The following CUX2 variants were observed in gnomAD, a reference collection of about 807,000 sequenced individuals.
CUX2 encodes the protein cut like homeobox 2.
A neutral mutation model predicts 144.8 loss-of-function variants in CUX2; 40 were observed. The ratio of observed to expected loss-of-function variants is 0.28; its 90% CI spans 0.21 to 0.36. CUX2 has a LOEUF of 0.36. Ranked by LOEUF, CUX2 falls within the 10% of genes least tolerant of loss-of-function variation. CUX2 has a pLI of 1.00. For missense variants in CUX2, 1,615 were observed against 1,994.0 expected, an observed-to-expected ratio of 0.81 and a Z score of 3.62; for synonymous variants, 827 against 875.6, an observed-to-expected ratio of 0.94 and a Z score of 0.98.
intron 4 of CUX2, among the ~76,000 whole-genome samples, chr12:111,267,709 T>TCCTGG (rs1216624682): frequency 6.6e-6 from 1 of 152,192 alleles, no homozygotes; most frequent in Non-Finnish European, 1.5e-5. Context: ...GGAGGATCCT[T>TCCTGG]CCTGGCTTCT....
chr12:111,283,617 C>A (rs1048016478), intron 4 of CUX2, among the ~76,000 whole-genome samples: 3 of 152,140 alleles, frequency 2.0e-5, no homozygotes, highest in African/African-American at 7.2e-5. Flanking sequence ...GGCTTGGGGA[C>A]GCTAAGTGAC....
chr12:111,113,865 TTA>T (rs1192120363), intron 1 of CUX2, among the ~76,000 whole-genome samples: 4 of 152,216 alleles, frequency 2.6e-5, no homozygotes, highest in African/African-American at 9.7e-5. Flanking sequence ...CCTCACTTCT[TTA>T]ATTTAGCATA....
At position 111,035,724 on chromosome 12, in the gene CUX2, C is replaced by G. The variant is rs1005470683; in HGVS notation, c.63+1484C>G. Among the ~76,000 whole-genome samples, 4 of 151,756 alleles carry G rather than the reference C, an allele frequency of 2.6e-5. No individual in the cohort carries two copies. Among genetic ancestry groups the G allele is most frequent in the Non-Finnish European group, 5.9e-5 (4 of 68,004 alleles). ...TGGCCGCTTCCCAGTCCCCGTCCTTCCGAACGCCCCACTCCTCGCTCTCCC... is the reference window on the plus strand; with the variant it reads ...TGGCCGCTTCCCAGTCCCCGTCCTTGCGAACGCCCCACTCCTCGCTCTCCC... On this transcript the variant is annotated intron_variant, in intron 1 of 21. Coordinates refer to ENST00000261726, the MANE Select transcript of CUX2 (RefSeq NM_015267.4). This position sits in a 1 kb window ranked among gnomAD's most constrained non-coding sequence, Gnocchi z 6.0.
intron 3 of CUX2, among the ~76,000 whole-genome samples, chr12:111,232,311 G>A (rs1302167843): frequency 6.6e-6 from 1 of 151,768 alleles, no homozygotes; most frequent in Admixed American, 6.6e-5. Flanking sequence ...AGACCAGCAT[G>A]GGCAACATAG....
At chr12:111,247,905 G>T (rs1883355099) in intron 3 of CUX2, among the ~76,000 whole-genome samples, 1 of 152,154 alleles carries the variant, frequency 6.6e-6, no homozygotes, top group Non-Finnish European at 1.5e-5. Context: ...TCTTTTGTTT[G>T]TTTGTTTCTT....
chr12:111,089,316 C>G (rs1273737144), intron 1 of CUX2, among the ~76,000 whole-genome samples: 1 of 152,202 alleles, frequency 6.6e-6, no homozygotes, highest in Admixed American at 6.5e-5. Flanking sequence ...TCTCTTCAAG[C>G]CTCAGTTTCC....
At chr12:111,041,022 A>C (rs544637397) in intron 1 of CUX2, among the ~76,000 whole-genome samples, 1 of 152,278 alleles carries the variant, frequency 6.6e-6, no homozygotes. Flanking sequence ...CTCAGTTCCC[A>C]AAACTTGTTC....
rs767405823 is a variant in CUX2, at chr12:111,295,232, G to A, written c.561-101G>A. The A allele has an allele frequency of 8.7e-5, 82 of 939,362 alleles. No homozygotes were observed. Among genetic ancestry groups the A allele is most frequent in the Middle Eastern group, 7.3e-4 (3 of 4,086 alleles). The allele number at this position is 939,362 out of a possible 1,614,324, so 58.2% of individuals were successfully genotyped here. ...CAGAAAGACAGAGGTGCAGGTTACA[G>A]GGAGTGGGCAAGGGGTAGGAAGCAA... On this transcript the variant is annotated intron_variant, in intron 6 of 21. Coordinates refer to ENST00000261726, the MANE Select transcript of CUX2 (RefSeq NM_015267.4). The surrounding 1 kb of genome is among the most constrained non-coding windows in gnomAD (Gnocchi z 5.0).
In CUX2 at chr12:111,035,310, G is replaced by A. The variant is rs1207475370; in HGVS notation, c.63+1070G>A. Among the ~76,000 whole-genome samples the A allele has an allele frequency of 6.6e-6, 1 of 152,192 alleles. No homozygotes were observed. The highest frequency in any genetic ancestry group is 1.5e-5 in the Non-Finnish European group (1 of 68,040). On this transcript the variant is annotated intron_variant, in intron 1 of 21. Coordinates refer to ENST00000261726, the MANE Select transcript of CUX2 (RefSeq NM_015267.4). The surrounding 1 kb of genome is among the most constrained non-coding windows in gnomAD (Gnocchi z 6.0). The stretch of plus-strand genomic sequence containing the variant: ...TTCTCCCCATCCTCCCTTTGTGGGA[G>A]TCTGTGTGCCTCCCCTAGATTTGGA...
chr12:111,298,811 G>A (rs867062159), intron 9 of CUX2, among the ~76,000 whole-genome samples: 34 of 152,192 alleles, frequency 2.2e-4, no homozygotes, highest in Admixed American at 1.7e-3. Context: ...GGTAGGGAAT[G>A]CAGACAGACA....
At chr12:111,261,553 A>G (rs954554516) in intron 3 of CUX2, among the ~76,000 whole-genome samples, 1 of 151,956 alleles carries the variant, frequency 6.6e-6, no homozygotes, top group African/African-American at 2.4e-5. Context: ...TGTGTCTCCC[A>G]CTCAATTGCA....
intron 1 of CUX2, among the ~76,000 whole-genome samples, chr12:111,191,861 CT>C (rs1879911964): frequency 1.3e-5 from 2 of 152,218 alleles, no homozygotes; most frequent in Admixed American, 1.3e-4. Flanking sequence ...TCCCTGACCC[CT>C]GGTACTGGTG....
rs1373338154 is a variant in CUX2 at position 111,034,221 on chromosome 12, T to C, written c.44T>C (p.Phe15Ser). 1.4e-6 allele frequency: 2 copies of C among 1,399,900 alleles called. No homozygotes were observed. Among genetic ancestry groups the C allele is most frequent in the Non-Finnish European group, 1.9e-6 (2 of 1,047,904 alleles). The allele number at this position is 1,399,900 out of a possible 1,614,324, so 86.7% of individuals were successfully genotyped here. A position where few individuals can be genotyped will look rare whatever the true frequency, so the allele number is the denominator to read the frequency against. The change falls in exon 1 of 22, where the codon TTT (phenylalanine) becomes TCT (serine). Residue 15 changes from phenylalanine to serine, a missense_variant. Physicochemically the swap from Phe to Ser is radical, Grantham distance 155. Coordinates refer to ENST00000261726, the MANE Select transcript of CUX2 (RefSeq NM_015267.4). The surrounding 1 kb of genome is among the most constrained non-coding windows in gnomAD (Gnocchi z 4.2). ...TCGATGTTTCAATATTGGAAGCGATTTGATCTACGGCGACTCCAGGTTAGT... is the reference window on the plus strand; with the variant it reads ...TCGATGTTTCAATATTGGAAGCGATCTGATCTACGGCGACTCCAGGTTAGT... Reference protein sequence around the residue: ...VGSMFQYWKRFDLRRLQKELN... With the variant: ...VGSMFQYWKRSDLRRLQKELN...
At chr12:111,346,493 A>G (rs995222527) in intron 21 of CUX2, among the ~76,000 whole-genome samples, 6 of 152,072 alleles carry the variant, frequency 3.9e-5, no homozygotes, top group African/African-American at 1.4e-4. Context: ...AAAAAAAAGA[A>G]AAGAAAACCG....
At chr12:111,233,586 A>G (rs910478575) in intron 3 of CUX2, among the ~76,000 whole-genome samples, 2 of 151,962 alleles carry the variant, frequency 1.3e-5, no homozygotes, top group African/African-American at 4.8e-5. Flanking sequence ...GGTGAGGGAG[A>G]TGGGAGGGGG....
At chr12:111,043,454 T>C (rs1453194760) in intron 1 of CUX2, among the ~76,000 whole-genome samples, 1 of 152,136 alleles carries the variant, frequency 6.6e-6, no homozygotes, top group African/African-American at 2.4e-5. Context: ...AGCAGGTTAC[T>C]GGGCCTGTCT....
intron 1 of CUX2, among the ~76,000 whole-genome samples, chr12:111,145,535 A>G (rs1329719614): frequency 6.6e-6 from 1 of 151,790 alleles, no homozygotes; most frequent in Non-Finnish European, 1.5e-5. Context: ...TGCCCAACTA[A>G]TTTTTTTACT....
At chr12:111,308,104 C>T (rs948525753) in intron 12 of CUX2, among the ~76,000 whole-genome samples, 181 bp from the exon 13 acceptor site, 3 of 152,222 alleles carry the variant, frequency 2.0e-5, no homozygotes, top group Admixed American at 6.5e-5. Context: ...CAGGTAACAT[C>T]GCCACCTGTT....
intron 1 of CUX2, among the ~76,000 whole-genome samples, chr12:111,206,570 A>C (rs961717923): frequency 3.9e-5 from 6 of 152,222 alleles, no homozygotes; most frequent in Non-Finnish European, 5.9e-5. Flanking sequence ...TGTCTACCAC[A>C]CTGTACTGTG....
Sources: allele counts gnomAD v4.1 joint callset (sites outside exome capture counted in the v4.1 genomes callset), GRCh38; gene constraint gnomAD v4.1.1; non-coding constraint Gnocchi (gnomAD v3.1); transcripts MANE v1.5; gene names NCBI Gene and HGNC (gene_info 2026-07-23, HGNC 2026-07-21).